MGAT4A: variants seen among roughly 807,000 people sequenced by gnomAD.
MGAT4A encodes alpha-1,3-mannosyl-glycoprotein 4-beta-N-acetylglucosaminyltransferase A, also known as N-acetylglucosaminyltransferase IVa.
Under a neutral mutation model 74.1 loss-of-function variants are expected in MGAT4A, and 33 were observed. The observed-to-expected ratio is 0.45, with a 90% confidence interval of 0.34 to 0.60. The LOEUF (loss-of-function observed/expected upper bound fraction) is 0.60. Ranked by LOEUF, MGAT4A falls within the 20% of genes least tolerant of loss-of-function variation. The pLI, the probability that MGAT4A is intolerant of heterozygous loss-of-function variation, is 0.02. For missense variants in MGAT4A, 479 were observed against 628.3 expected (o/e 0.76, Z 2.54); for synonymous variants, 198 against 210.4 (o/e 0.94, Z 0.51).
intron 2 of MGAT4A, among the ~76,000 whole-genome samples, chr2:98,719,340 T>C (rs1702633775): frequency 6.6e-6 from 1 of 152,126 alleles, no homozygotes; most frequent in African/African-American, 2.4e-5. Context: ...AATCAGCTGG[T>C]AATTAGTGTA....
intron 2 of MGAT4A, among the ~76,000 whole-genome samples, chr2:98,683,563 C>A (rs532146349): frequency 7.9e-5 from 12 of 151,214 alleles, no homozygotes; most frequent in Admixed American, 5.3e-4. Flanking sequence ...TTTTTTAATA[C>A]AATGATGCTT....
intron 2 of MGAT4A, among the ~76,000 whole-genome samples, chr2:98,723,638 C>T (rs915479730): frequency 5.9e-5 from 9 of 152,180 alleles, no homozygotes; most frequent in African/African-American, 1.4e-4. Context: ...CTGGTATTAA[C>T]GAGCATCTCA....
At chr2:98,683,812 G>A (rs1001704830) in intron 2 of MGAT4A, among the ~76,000 whole-genome samples, 2 of 152,152 alleles carry the variant, frequency 1.3e-5, no homozygotes, top group African/African-American at 4.8e-5. Flanking sequence ...AACTGTCCAT[G>A]CTTTTGGAAA....
chr2:98,708,755 C>G (rs1003587066), intron 2 of MGAT4A, among the ~76,000 whole-genome samples: 26 of 152,236 alleles, frequency 1.7e-4, no homozygotes. Flanking sequence ...GTTTAACCAT[C>G]AGGTTAAACT....
At chr2:98,660,588 T>C (rs1701734811) in intron 5 of MGAT4A, among the ~76,000 whole-genome samples, 6 of 152,066 alleles carry the variant, frequency 3.9e-5, no homozygotes. Context: ...ACAGACACAC[T>C]GGCCAATGGA....
intron 2 of MGAT4A, among the ~76,000 whole-genome samples, chr2:98,709,402 T>G (rs185783632): frequency 5.6e-4 from 85 of 152,270 alleles, no homozygotes; most frequent in Admixed American, 1.5e-3. Context: ...AAAACAGGAA[T>G]GGACAAAGGA....
At chr2:98,720,781 T>C (rs537883567) in intron 2 of MGAT4A, among the ~76,000 whole-genome samples, 1 of 151,638 alleles carries the variant, frequency 6.6e-6, no homozygotes, top group East Asian at 1.9e-4. Flanking sequence ...AAATGAAAAA[T>C]GAACACAGCC....
chr2:98,722,350 C>G (rs4850884), intron 2 of MGAT4A, among the ~76,000 whole-genome samples: 1,798 of 152,288 alleles, frequency 0.012, 17 homozygotes, highest in Middle Eastern at 0.031. Context: ...TTTCTGTGTA[C>G]GTGAAGCAAC....
intron 8 of MGAT4A, among the ~76,000 whole-genome samples, chr2:98,650,768 C>T (rs567296779): frequency 1.1e-4 from 17 of 152,132 alleles, no homozygotes; most frequent in African/African-American, 3.1e-4. Flanking sequence ...CTGAACAACG[C>T]GGTGAAACCC....
At position 98,708,473 on chromosome 2, in the gene MGAT4A, GA is replaced by G. The variant is rs1421545532; in HGVS notation, c.94+17765del. Among the ~76,000 whole-genome samples the G allele has an allele frequency of 2.7e-5, 4 of 149,868 alleles. No individual in the cohort carries two copies. In the East Asian group the frequency reaches 5.8e-4, roughly 22 times the overall value. On this transcript the variant is annotated intron_variant, in intron 2 of 15. Transcript: ENST00000393487. ...CTAACATTATGTGTAATTATTTCTA[GA>G]AAAAAAAAGTTATACCTGCCGTAAA...
chr2:98,678,099 G>A (rs1296987054), intron 3 of MGAT4A, among the ~76,000 whole-genome samples: 8 of 150,954 alleles, frequency 5.3e-5, no homozygotes, highest in South Asian at 4.2e-4. Flanking sequence ...GTGTGGTGGC[G>A]GGCGCCTGTA....
intron 4 of MGAT4A, among the ~76,000 whole-genome samples, chr2:98,668,943 G>A (rs76332038): frequency 5.1e-4 from 77 of 152,344 alleles, no homozygotes; most frequent in African/African-American, 1.8e-3. Flanking sequence ...TGGAATGGCT[G>A]TATTTACCCA....
chr2:98,701,259 TA>T (rs1702352248), intron 2 of MGAT4A, among the ~76,000 whole-genome samples: 1 of 152,222 alleles, frequency 6.6e-6, no homozygotes, highest in African/African-American at 2.4e-5. Flanking sequence ...TCCTATTAGG[TA>T]AGGCTGATCT....
In MGAT4A at chr2:98,640,021, T is replaced by A. The variant is rs200862808; in HGVS notation, c.1129-20A>T. The A allele has an allele frequency of 3.9e-5, 62 of 1,590,882 alleles. No homozygotes were observed. In the African/African-American group the frequency reaches 7.6e-4, roughly 19 times the overall value. The stretch of plus-strand genomic sequence containing the variant: ...TTTATCCTGGGAGCAAAGACATATA[T>A]GCTATTAAATAATACACAGCTTATT... On this transcript the variant is annotated intron_variant, in intron 11 of 15. Coordinates refer to ENST00000393487, the MANE Select transcript of MGAT4A (RefSeq NM_012214.3).
intron 3 of MGAT4A, among the ~76,000 whole-genome samples, chr2:98,676,254 T>G (rs1235904698): frequency 6.6e-6 from 1 of 152,188 alleles, no homozygotes; most frequent in Non-Finnish European, 1.5e-5. Flanking sequence ...TTTAATCTCA[T>G]GCGTAAAGAA....
rs57981145 is a variant in MGAT4A at position 98,664,200 on chromosome 2, CAAAAAAAAAAAAA to C, written c.404-1034_404-1022del. ...TGGGTGACAAAGCAAGATTCCATCT[CAAAAAAAAAAAAA>C]AAAAAAAAAAAAAAAAAAGAGAAAA... On this transcript the variant is annotated intron_variant, in intron 4 of 15. Transcript: ENST00000393487. 1.7e-3 allele frequency among the ~76,000 whole-genome samples: 90 copies of C among 51,446 alleles called. 1 individual carries two copies. Among genetic ancestry groups the C allele is most frequent in the South Asian group, 1.1e-3 (1 of 928 alleles). 33.8% of individuals were successfully genotyped at this position (51,446 alleles called of 152,430 possible). A position where few individuals can be genotyped will look rare whatever the true frequency, so the allele number is the denominator to read the frequency against.
chr2:98,666,388 G>A (rs1033873568), intron 4 of MGAT4A, among the ~76,000 whole-genome samples: 7 of 152,154 alleles, frequency 4.6e-5, no homozygotes, highest in South Asian at 4.1e-4. Flanking sequence ...AAATTCCATA[G>A]AATAATCTAC....
chr2:98,668,352 G>T (rs1477672618), intron 4 of MGAT4A, among the ~76,000 whole-genome samples: 2 of 152,212 alleles, frequency 1.3e-5, no homozygotes, highest in Non-Finnish European at 2.9e-5. Context: ...AGGAGCCAAG[G>T]TACAGCTCAG....
rs981411968 is a variant in MGAT4A, at chr2:98,621,211, C to T, written c.*4355G>A. The T allele has an allele frequency of 1.7e-5, 9 of 544,224 alleles. No individual in the cohort carries two copies. Among genetic ancestry groups the T allele is most frequent in the African/African-American group, 5.8e-5 (3 of 51,550 alleles). 33.7% of individuals were successfully genotyped at this position (544,224 alleles called of 1,614,324 possible). ...GTCCAAGCAGGCTTAAGTGAGTTCT[C>T]GGCTTAGGGTCTCACAAGGCTGGAT... On this transcript the variant is annotated 3_prime_UTR_variant, in exon 16 of 16. Transcript: ENST00000393487.
Sources: gnomAD v4.1 joint callset for allele counts (sites outside exome capture counted in the v4.1 genomes callset) on GRCh38, gnomAD v4.1.1 for gene constraint, MANE v1.5 for transcripts, NCBI Gene and HGNC (gene_info 2026-07-23, HGNC 2026-07-21) for gene names.